The following CCDC158 variants were observed in gnomAD, a reference collection of about 807,000 sequenced individuals.
CCDC158 encodes the protein coiled-coil domain-containing protein 158.
A neutral mutation model predicts 138.6 loss-of-function variants in CCDC158; 116 were observed. The ratio of observed to expected loss-of-function variants is 0.84; its 90% CI spans 0.72 to 0.98. The LOEUF is 0.98. CCDC158 is among the 50% of genes least tolerant of loss of function. CCDC158 has a pLI of 0.00. For synonymous variants in CCDC158, 436 were observed against 442.4 expected (o/e 0.99, Z 0.18); for missense variants, 1,265 against 1,306.1 (o/e 0.97, Z 0.48).
chr4:76,355,232 T>C, intron 15 of CCDC158, 92 bp downstream of exon 15: 1 of 812,384 alleles, frequency 1.2e-6, no homozygotes, highest in Non-Finnish European at 2.1e-6. Context: ...CCTTTTCCCC[T>C]TGCACTTGCA....
At position 76,332,484 on chromosome 4, in the gene CCDC158, T is replaced by C. The variant is rs781113917; in HGVS notation, c.2830A>G (p.Arg944Gly). The C allele has an allele frequency of 1.0e-5, 16 of 1,605,330 alleles. 1 individual carries two copies. In the South Asian group the frequency reaches 1.8e-4, roughly 18 times the overall value. Reference protein sequence around the residue: ...LGALYVAVEDRVRDCITESSL... With the variant: ...LGALYVAVEDGVRDCITESSL... The stretch of plus-strand genomic sequence containing the variant: ...GATTCAGTAATGCAATCTCTTACCC[T>C]ATCCTCTCTGTATAGAAAATATAAC... Residue 944 changes from arginine (R) to glycine (G), a missense_variant, in exon 20 of 25, where the codon AGG (arginine) becomes GGG (glycine). Transcript: ENST00000682701.
chr4:76,397,580 G>C (rs1347637665), intron 3 of CCDC158, among the ~76,000 whole-genome samples: 1 of 152,076 alleles, frequency 6.6e-6, no homozygotes, highest in African/African-American at 2.4e-5. Flanking sequence ...AATGTTGGTA[G>C]TATTGTTATA....
intron 18 of CCDC158, among the ~76,000 whole-genome samples, chr4:76,348,596 A>G (rs1265463348): frequency 6.6e-6 from 1 of 152,174 alleles, no homozygotes; most frequent in Non-Finnish European, 1.5e-5. Context: ...ACTTAACAAT[A>G]CAAAAAAGTA....
At chr4:76,403,409 T>G in intron 2 of CCDC158, 129 bp from the exon 3 acceptor site, 1 of 421,974 alleles carries the variant, frequency 2.4e-6, no homozygotes, top group Non-Finnish European at 4.1e-6. Context: ...TAATTATTTA[T>G]ACAGAAATAC....
intron 12 of CCDC158, among the ~76,000 whole-genome samples, chr4:76,365,947 G>A (rs2110229665): frequency 6.6e-6 from 1 of 152,304 alleles, no homozygotes; most frequent in South Asian, 2.1e-4. Context: ...CTGCTCTCCA[G>A]AAAGTTAAAC....
intron 15 of CCDC158, 99 bp from the exon 16 acceptor site, chr4:76,353,380 AG>A: frequency 1.1e-6 from 1 of 913,934 alleles, no homozygotes; most frequent in South Asian, 1.9e-5. Context: ...ACCCTGAACT[AG>A]GTAAGTTTAA....
chr4:76,326,434 C>G (rs1162184299), intron 22 of CCDC158, among the ~76,000 whole-genome samples: 1 of 151,868 alleles, frequency 6.6e-6, no homozygotes, highest in African/African-American at 2.4e-5. Flanking sequence ...GGCAGAAAAT[C>G]AAGAAGAAAA....
intron 24 of CCDC158, among the ~76,000 whole-genome samples, chr4:76,319,892 T>C (rs1453109937): frequency 6.6e-6 from 1 of 152,100 alleles, no homozygotes; most frequent in Non-Finnish European, 1.5e-5. Flanking sequence ...AAAACGAGGA[T>C]GCCCACTTTC....
rs985216421 is a variant in CCDC158, at chr4:76,421,114, C to T, written c.-266G>A. Among the ~76,000 whole-genome samples, 2 of 152,030 alleles carry T rather than the reference C, an allele frequency of 1.3e-5. No homozygotes were observed. The highest frequency in any genetic ancestry group is 2.4e-5 in the African/African-American group (1 of 41,438). Reference sequence around the variant, plus strand: ...CCCCGCGGAGGCTGCGGGGCGGCTCCTCCTCCTCGGCTGCGGCGCCGGAAG... The same window carrying T: ...CCCCGCGGAGGCTGCGGGGCGGCTCTTCCTCCTCGGCTGCGGCGCCGGAAG... On this transcript the variant is annotated 5_prime_UTR_variant, in exon 1 of 25. Coordinates refer to ENST00000682701, the MANE Select transcript of CCDC158 (RefSeq NM_001394954.1).
intron 18 of CCDC158, among the ~76,000 whole-genome samples, chr4:76,335,127 T>C (rs1461602543): frequency 6.6e-6 from 1 of 152,196 alleles, no homozygotes; most frequent in Non-Finnish European, 1.5e-5. Flanking sequence ...TAAAGTTTCA[T>C]AAATTAGACT....
At chr4:76,405,521 A>G (rs1728747339) in intron 2 of CCDC158, among the ~76,000 whole-genome samples, 1 of 152,218 alleles carries the variant, frequency 6.6e-6, no homozygotes, top group African/African-American at 2.4e-5. Context: ...AAACATTTAA[A>G]AAACAAGACC....
chr4:76,420,706 C>A (rs1196029413), intron 1 of CCDC158, among the ~76,000 whole-genome samples: 1 of 152,348 alleles, frequency 6.6e-6, no homozygotes, highest in South Asian at 2.1e-4. Context: ...CTCTTCCCCA[C>A]AAATCAAATC....
At chr4:76,361,348 G>T (rs1343073959) in intron 13 of CCDC158, among the ~76,000 whole-genome samples, 1 of 152,114 alleles carries the variant, frequency 6.6e-6, no homozygotes, top group Non-Finnish European at 1.5e-5. Context: ...GGATCACGAG[G>T]TCAGGAGATC....
chr4:76,421,381 G>C (rs1730117610), upstream of CCDC158, among the ~76,000 whole-genome samples: 1 of 152,050 alleles, frequency 6.6e-6, no homozygotes, highest in Non-Finnish European at 1.5e-5. Flanking sequence ...CCTAAGGAGT[G>C]GGGGTGTACC....
intron 18 of CCDC158, chr4:76,344,746 C>T (rs184567649): frequency 6.2e-7 from 1 of 1,613,458 alleles, no homozygotes; most frequent in Non-Finnish European, 8.5e-7. Context: ...ATTGAAACAA[C>T]AGACTATGCT....
At chr4:76,341,269 C>G (rs1722023478) in intron 18 of CCDC158, among the ~76,000 whole-genome samples, 1 of 152,164 alleles carries the variant, frequency 6.6e-6, no homozygotes, top group South Asian at 2.1e-4. Context: ...TCAACCAGTT[C>G]TGTCTCCATT....
At chr4:76,380,711 A>C (rs908383027) in intron 8 of CCDC158, among the ~76,000 whole-genome samples, 4 of 152,182 alleles carry the variant, frequency 2.6e-5, no homozygotes, top group Admixed American at 2.0e-4. Flanking sequence ...AATTTGCATA[A>C]GAAGAGGTGC....
intron 8 of CCDC158, among the ~76,000 whole-genome samples, chr4:76,380,359 G>A (rs7671036): frequency 0.029 from 4,479 of 152,230 alleles, 221 homozygotes; most frequent in African/African-American, 0.1. Context: ...ATGGAGATGA[G>A]GAACTTCTTG....
chr4:76,358,268 G>A (rs1471081611), intron 13 of CCDC158, among the ~76,000 whole-genome samples: 1 of 152,206 alleles, frequency 6.6e-6, no homozygotes, highest in South Asian at 2.1e-4. Flanking sequence ...CAACCACTAA[G>A]TGCTGTTGAT....
Sources: gnomAD v4.1 joint callset for allele counts (sites outside exome capture counted in the v4.1 genomes callset) on GRCh38, gnomAD v4.1.1 for gene constraint, MANE v1.5 for transcripts, NCBI Gene and HGNC (gene_info 2026-07-23, HGNC 2026-07-21) for gene names.